Variants in FHOD3 observed in about 807,000 individuals in gnomAD.
The protein encoded by FHOD3 is formin homology 2 domain containing 3.
A neutral mutation model predicts 173.0 loss-of-function variants in FHOD3; 90 were observed. The observed-to-expected ratio is 0.52, with a 90% CI of 0.44 to 0.62. FHOD3 has a LOEUF of 0.62. Ranked by LOEUF, FHOD3 falls within the 20% of genes least tolerant of loss-of-function variation. The pLI is 0.00. For synonymous variants in FHOD3, 828 were observed against 823.0 expected, an observed-to-expected ratio of 1.01 and a Z score of -0.10; for missense variants, 1,945 against 2,034.7, an observed-to-expected ratio of 0.96 and a Z score of 0.85.
At chr18:36,482,494 C>G (rs2053955364) in intron 3 of FHOD3, among the ~76,000 whole-genome samples, 1 of 152,016 alleles carries the variant, frequency 6.6e-6, no homozygotes, top group South Asian at 2.1e-4. Context: ...CAGAAGTGTA[C>G]CAGGGCAGTA....
At chr18:36,325,719 T>C (rs2044636933) in intron 1 of FHOD3, among the ~76,000 whole-genome samples, 3 of 152,202 alleles carry the variant, frequency 2.0e-5, no homozygotes, top group Admixed American at 1.3e-4. Context: ...TCTCTTTTCT[T>C]CTTACTCTGT....
intron 5 of FHOD3, among the ~76,000 whole-genome samples, chr18:36,548,292 T>TA (rs2057497611): frequency 6.6e-6 from 1 of 152,196 alleles, no homozygotes; most frequent in African/African-American, 2.4e-5. Context: ...AGTGCAAAGA[T>TA]AGAGTCAGCA....
At chr18:36,570,520 G>A (rs2058415778) in intron 5 of FHOD3, among the ~76,000 whole-genome samples, 1 of 152,022 alleles carries the variant, frequency 6.6e-6, no homozygotes, top group African/African-American at 2.4e-5. Flanking sequence ...AACAGAAGAG[G>A]AGGAAACACT....
intron 1 of FHOD3, among the ~76,000 whole-genome samples, chr18:36,346,244 C>T (rs1401667999): frequency 6.6e-6 from 1 of 152,072 alleles, no homozygotes; most frequent in African/African-American, 2.4e-5. Context: ...CGCACACCTG[C>T]AGTCCCAGCT....
intron 3 of FHOD3, among the ~76,000 whole-genome samples, chr18:36,471,086 T>A (rs1306178671): frequency 6.6e-6 from 1 of 152,138 alleles, no homozygotes; most frequent in Non-Finnish European, 1.5e-5. Flanking sequence ...ATGATGCAAA[T>A]GCAGCTGTGC....
chr18:36,701,435 A>G (rs374185529), intron 17 of FHOD3, among the ~76,000 whole-genome samples: 4 of 152,280 alleles, frequency 2.6e-5, no homozygotes, highest in African/African-American at 9.6e-5. Context: ...ATCCTGTATG[A>G]TACTACAGTA....
At chr18:36,680,610 A>T (rs747825208) in intron 14 of FHOD3, among the ~76,000 whole-genome samples, 47 of 152,154 alleles carry the variant, frequency 3.1e-4, no homozygotes, top group Non-Finnish European at 6.2e-4. Flanking sequence ...ATCTCCTGTG[A>T]TACTCACCCT....
Position 36,625,497 on chromosome 18 carries a change from C to G in FHOD3, c.958-14C>G. 7.1e-7 allele frequency: 1 copy of G among 1,406,524 alleles called. No homozygotes were observed. Among genetic ancestry groups the G allele is most frequent in the South Asian group, 1.7e-5 (1 of 59,750 alleles). The allele number at this position is 1,406,524 out of a possible 1,614,324, so 87.1% of individuals were successfully genotyped here. ...CAAGCCTGACCTTGCACTGGGCGTG[C>G]TCTGCTTTTCCAGGTGGCGCTCAGG... On this transcript the variant is annotated splice_polypyrimidine_tract_variant and intron_variant, in intron 9 of 28. Coordinates refer to ENST00000590592, the MANE Select transcript of FHOD3 (RefSeq NM_001281740.3).
intron 3 of FHOD3, among the ~76,000 whole-genome samples, chr18:36,386,863 G>A (rs2048059818): frequency 6.6e-6 from 1 of 152,098 alleles, no homozygotes; most frequent in South Asian, 2.1e-4. Context: ...GAGAAGGTGG[G>A]GTTCTGAGTG....
At chr18:36,475,223 T>C (rs1207733684) in intron 3 of FHOD3, among the ~76,000 whole-genome samples, 1 of 152,126 alleles carries the variant, frequency 6.6e-6, no homozygotes, top group Non-Finnish European at 1.5e-5. Context: ...GATGTGGCTT[T>C]TCCCCTTGTT....
chr18:36,309,143 G>A (rs1188317961), intron 1 of FHOD3, among the ~76,000 whole-genome samples: 1 of 152,196 alleles, frequency 6.6e-6, no homozygotes, highest in Non-Finnish European at 1.5e-5. Flanking sequence ...TCTTATGGAG[G>A]GAGACCAGGC....
chr18:36,396,850 A>G (rs1265350336), intron 3 of FHOD3, among the ~76,000 whole-genome samples: 1 of 148,904 alleles, frequency 6.7e-6, no homozygotes, highest in African/African-American at 2.5e-5. Context: ...AGTTTTCTTG[A>G]ACTTTTAGCA....
intron 5 of FHOD3, among the ~76,000 whole-genome samples, chr18:36,555,376 T>G (rs1272287343): frequency 6.6e-6 from 1 of 151,056 alleles, no homozygotes; most frequent in African/African-American, 2.5e-5. Flanking sequence ...ATTCCTTAAT[T>G]CCATTGTGGT....
intron 17 of FHOD3, among the ~76,000 whole-genome samples, chr18:36,696,250 A>G (rs890036827): frequency 2.0e-5 from 3 of 152,132 alleles, no homozygotes; most frequent in Non-Finnish European, 4.4e-5. Flanking sequence ...TGGCTCTACC[A>G]TGTTTGCATT....
intron 24 of FHOD3, among the ~76,000 whole-genome samples, chr18:36,750,130 A>T (rs2042341826): frequency 6.6e-6 from 1 of 152,138 alleles, no homozygotes; most frequent in Non-Finnish European, 1.5e-5. Flanking sequence ...TCTACTAAAA[A>T]TACAAAAAAT....
In FHOD3 at chr18:36,649,283, G is replaced by T. The variant is rs751216790; in HGVS notation, c.1197-33G>T. On this transcript the variant is annotated intron_variant, in intron 10 of 28. Transcript: ENST00000590592. ...CTCATCTCACTTTTCCATGTTGTCT[G>T]TGTGCATTTCTCTTTTCCTGGCTTT... 2.0e-6 allele frequency: 3 copies of T among 1,496,264 alleles called. No homozygotes were observed. The South Asian group carries it at 3.6e-5, about 18-fold the overall frequency. The allele number at this position is 1,496,264 out of a possible 1,614,324, so 92.7% of individuals were successfully genotyped here.
intron 28 of FHOD3, among the ~76,000 whole-genome samples, chr18:36,773,217 A>G (rs2043468660): frequency 6.6e-6 from 1 of 152,200 alleles, no homozygotes; most frequent in Non-Finnish European, 1.5e-5. Flanking sequence ...CCTCCCAAAC[A>G]GGGGGAACTG....
intron 4 of FHOD3, among the ~76,000 whole-genome samples, chr18:36,505,483 G>A (rs2055257783): frequency 6.6e-6 from 1 of 152,100 alleles, no homozygotes; most frequent in Non-Finnish European, 1.5e-5. Flanking sequence ...TGTATAGAGT[G>A]GATCCATCAG....
chr18:36,720,530 G>A (rs905909039), intron 19 of FHOD3, among the ~76,000 whole-genome samples: 5 of 151,876 alleles, frequency 3.3e-5, no homozygotes, highest in South Asian at 4.2e-4. Flanking sequence ...GAGCCACTGC[G>A]CCTGGCCTCC....
Sources: gnomAD v4.1 joint callset for allele counts (sites outside exome capture counted in the v4.1 genomes callset) on GRCh38, gnomAD v4.1.1 for gene constraint, MANE v1.5 for transcripts, NCBI Gene and HGNC (gene_info 2026-07-23, HGNC 2026-07-21) for gene names.